The following CLDN23 variants were observed in gnomAD, a reference collection of about 807,000 sequenced individuals.
CLDN23 encodes the protein claudin-23.
A neutral mutation model predicts 1.4 loss-of-function variants in CLDN23; 3 were observed. The ratio of observed to expected loss-of-function variants is 2.10; its 90% CI spans 0.96 to 5.43. The LOEUF (loss-of-function observed/expected upper bound fraction) is 5.43, where lower values mean the gene tolerates loss of function less well. CLDN23 is among the 30% of genes most tolerant of loss of function. The probability of loss-of-function intolerance (pLI) is 0.02; values close to 1 mark genes in which losing one functional copy is unlikely to be tolerated. For missense variants in CLDN23, 597 were observed against 433.5 expected, an observed-to-expected ratio of 1.38 and a Z score of -3.35; for synonymous variants, 291 against 209.9, an observed-to-expected ratio of 1.39 and a Z score of -3.34.
chr8:8,702,710 C>G lies in CLDN23; in HGVS notation c.312C>G (p.Cys104Trp), dbSNP rs756231685. Residue 104 changes from cysteine (C) to tryptophan (W), a missense_variant, in exon 1 of 1, where the codon TGC (cysteine) becomes TGG (tryptophan). Cys to Trp is a radical substitution (Grantham distance 215). Transcript: ENST00000519106. The part of the protein sequence containing the change: ...GLLLASLGVR[C>W]WQDEPNFVLA... ...TGCTGGCGTCGCTGGGCGTGCGCTGCTGGCAGGACGAGCCCAACTTCGTGC... is the reference window on the plus strand; with the variant it reads ...TGCTGGCGTCGCTGGGCGTGCGCTGGTGGCAGGACGAGCCCAACTTCGTGC... 1 of 1,607,538 alleles carries G rather than the reference C, an allele frequency of 6.2e-7. No individual in the cohort carries two copies. The highest frequency in any genetic ancestry group is 8.5e-7 in the Non-Finnish European group (1 of 1,179,344).
rs757985542 is a variant in CLDN23, at chr8:8,702,725, C to G, written c.327C>G (p.Pro109=). The change falls in exon 1 of 1, where the codon CCC becomes CCG. Residue 109 remains proline (P), a synonymous_variant. Transcript: ENST00000519106. ...GCGTGCGCTGCTGGCAGGACGAGCC[C>G]AACTTCGTGCTGGCAGGGCTCTCGG... The part of the protein sequence containing the change: ...SLGVRCWQDE[P]NFVLAGLSGV... The G allele has an allele frequency of 1.9e-6, 3 of 1,608,620 alleles. No homozygotes were observed. The highest frequency in any genetic ancestry group is 2.7e-5 in the African/African-American group (2 of 75,020).
In CLDN23 at chr8:8,703,292, T is replaced by A. The variant is rs1348271746; in HGVS notation, c.*15T>A. On this transcript the variant is annotated 3_prime_UTR_variant, in exon 1 of 1. Coordinates refer to ENST00000519106, the MANE Select transcript of CLDN23 (RefSeq NM_194284.3). ...CCGACCTCTAGACGCTTGTAGAGCCTGGGGGGCGCCGGGTGGCAAAGGACT... is the reference window on the plus strand; with the variant it reads ...CCGACCTCTAGACGCTTGTAGAGCCAGGGGGGCGCCGGGTGGCAAAGGACT... 13 of 1,365,056 alleles carry A rather than the reference T, an allele frequency of 9.5e-6. No homozygotes were observed. Among genetic ancestry groups the A allele is most frequent in the Non-Finnish European group, 1.0e-5 (11 of 1,053,896 alleles). 84.6% of individuals were successfully genotyped at this position (1,365,056 alleles called of 1,614,324 possible). A position where few individuals can be genotyped will look rare whatever the true frequency, so the allele number is the denominator to read the frequency against.
At position 8,702,785 on chromosome 8, in the gene CLDN23, C is replaced by T; in HGVS notation, c.387C>T (p.Leu129=). 6.2e-7 allele frequency: 1 copy of T among 1,610,930 alleles called. No individual in the cohort carries two copies. Among genetic ancestry groups the T allele is most frequent in the East Asian group, 2.2e-5 (1 of 44,838 alleles). The change falls in exon 1 of 1, where the codon CTC becomes CTT. Residue 129 remains leucine, a synonymous_variant. Transcript: ENST00000519106. The stretch of plus-strand genomic sequence containing the variant: ...TCTTCGTCGCTGGCCTCCTCGGCCT[C>T]ATCCCGGTGTCCTGGTACAACCACT... ...VVLFVAGLLG[L]IPVSWYNHFL... is the part of the protein sequence containing the mutation.
rs1385762100 is a variant in CLDN23 at position 8,702,282 on chromosome 8, C to A, written c.-117C>A. 4 of 1,184,918 alleles carry A rather than the reference C, an allele frequency of 3.4e-6. No individual in the cohort carries two copies. Among genetic ancestry groups the A allele is most frequent in the South Asian group, 3.4e-5 (2 of 58,190 alleles). The allele number at this position is 1,184,918 out of a possible 1,614,324, so 73.4% of individuals were successfully genotyped here. A position where few individuals can be genotyped will look rare whatever the true frequency, so the allele number is the denominator to read the frequency against. ...AGCCCGACCCGGAGCCCGGGGCGTC[C>A]GCGCTGACTTCGGGTCCCCGGAGCC... is the stretch of plus-strand genomic sequence containing the variant. On this transcript the variant is annotated 5_prime_UTR_variant, in exon 1 of 1. Transcript: ENST00000519106.
At position 8,703,471 on chromosome 8, in the gene CLDN23, T is replaced by A. The variant is rs1802819069; in HGVS notation, c.*194T>A. On this transcript the variant is annotated 3_prime_UTR_variant, in exon 1 of 1. Transcript: ENST00000519106. The stretch of plus-strand genomic sequence containing the variant: ...GTTTTCTTCTTAAAGAGTTTAGTTT[T>A]CCTCTCCAGAGGGATCAGGGTCCTC... 1.0e-5 allele frequency: 5 copies of A among 483,396 alleles called. No homozygotes were observed. Among genetic ancestry groups the A allele is most frequent in the Non-Finnish European group, 1.7e-5 (5 of 290,564 alleles). 29.9% of individuals were successfully genotyped at this position (483,396 alleles called of 1,614,324 possible).
rs1361046683 is a variant in CLDN23, at chr8:8,703,097, T to G, written c.699T>G (p.Pro233=). The G allele has an allele frequency of 2.0e-6, 3 of 1,533,598 alleles. No individual in the cohort carries two copies. In the Admixed American group the frequency reaches 5.9e-5, roughly 30 times the overall value. 95.0% of individuals were successfully genotyped at this position (1,533,598 alleles called of 1,614,324 possible). The stretch of plus-strand genomic sequence containing the variant: ...GCGACGGCCAGCACCGACCGCCGCC[T>G]GCCCAGCACCGCAAGCCCAAGCCCA... ...YYSDGQHRPP[P]AQHRKPKPKP... The change falls in exon 1 of 1, where the codon CCT becomes CCG. Residue 233 remains proline (P), a synonymous_variant. Coordinates refer to ENST00000519106, the MANE Select transcript of CLDN23 (RefSeq NM_194284.3).
In CLDN23 at chr8:8,702,662, G is replaced by A. The variant is rs1802770372; in HGVS notation, c.264G>A (p.Leu88=). ...LVARALMVTS[L]AATVLGLLLA... ...CGCGGGCACTCATGGTCACCTCGCT[G>A]GCCGCCACGGTCCTGGGGCTTCTGC... is the stretch of plus-strand genomic sequence containing the variant. The change falls in exon 1 of 1, where the codon CTG becomes CTA. Residue 88 remains leucine, a synonymous_variant. Transcript: ENST00000519106. 6.2e-7 allele frequency: 1 copy of A among 1,604,460 alleles called. No homozygotes were observed. The highest frequency in any genetic ancestry group is 1.3e-5 in the African/African-American group (1 of 74,830).
rs1394559331 is a variant in CLDN23 at position 8,703,815 on chromosome 8, G to C, written c.*538G>C. The C allele has an allele frequency of 1.2e-5, 2 of 167,088 alleles. No homozygotes were observed. Among genetic ancestry groups the C allele is most frequent in the Non-Finnish European group, 2.9e-5 (2 of 68,146 alleles). 10.4% of individuals were successfully genotyped at this position (167,088 alleles called of 1,614,324 possible). ...AGCAGCTTAATGGATTTCATGGAATGAAATACCGTGATTAACTCATAGCTA... is the reference window on the plus strand; with the variant it reads ...AGCAGCTTAATGGATTTCATGGAATCAAATACCGTGATTAACTCATAGCTA... On this transcript the variant is annotated 3_prime_UTR_variant, in exon 1 of 1. Transcript: ENST00000519106.
Position 8,702,136 on chromosome 8 carries a change from T to G in CLDN23, c.-263T>G. ...GTTTCGGTCAGACCCGCCCGCGGGC[T>G]GGTTTCGATTAGGGCCAGTAGGAGG... On this transcript the variant is annotated 5_prime_UTR_variant, in exon 1 of 1. Coordinates refer to ENST00000519106, the MANE Select transcript of CLDN23 (RefSeq NM_194284.3). The G allele has an allele frequency of 5.8e-6, 2 of 342,982 alleles. No individual in the cohort carries two copies. Among genetic ancestry groups the G allele is most frequent in the East Asian group, 4.3e-5 (1 of 23,344 alleles). 21.2% of individuals were successfully genotyped at this position (342,982 alleles called of 1,614,324 possible).
At position 8,702,611 on chromosome 8, in the gene CLDN23, C is replaced by A; in HGVS notation, c.213C>A (p.Tyr71Ter). 6.2e-7 allele frequency: 1 copy of A among 1,605,658 alleles called. No individual in the cohort carries two copies. The highest frequency in any genetic ancestry group is 1.1e-5 in the South Asian group (1 of 90,480). ...GCGGCCAGACGGACCAGTGGGGCTA[C>A]TTCGAGGCCCAGCCCGTGCTGGTGG... is the stretch of plus-strand genomic sequence containing the variant. Reference protein sequence around the residue: ...RECGQTDQWGYFEAQPVLVAR... With the variant: ...RECGQTDQWG The change falls in exon 1 of 1, where the codon TAC becomes TAA. Residue 71 changes from tyrosine (Y) to a stop codon, truncating the protein, a stop_gained. Transcript: ENST00000519106. LOFTEE classifies it low-confidence loss of function (END_TRUNC).
rs1802807425 is a variant in CLDN23 at position 8,703,218 on chromosome 8, G to A, written c.820G>A (p.Ala274Thr). The A allele has an allele frequency of 3.4e-6, 5 of 1,462,984 alleles. No individual in the cohort carries two copies. The highest frequency in any genetic ancestry group is 1.5e-5 in the African/African-American group (1 of 68,708). The allele number at this position is 1,462,984 out of a possible 1,614,324, so 90.6% of individuals were successfully genotyped here. A position where few individuals can be genotyped will look rare whatever the true frequency, so the allele number is the denominator to read the frequency against. ...CGGGGAGGGGTGGGAGTCCCAGGACGCTCCCTCGTGCAGCACCCACCCCTG... is the reference window on the plus strand; with the variant it reads ...CGGGGAGGGGTGGGAGTCCCAGGACACTCCCTCGTGCAGCACCCACCCCTG... ...LDGEGWESQDAPSCSTHPCDS... is the reference protein window; with the variant it reads ...LDGEGWESQDTPSCSTHPCDS... The change falls in exon 1 of 1, where the codon GCT (alanine) becomes ACT (threonine). Residue 274 changes from alanine (A) to threonine (T), a missense_variant. By Grantham distance (58) the Ala-to-Thr change is moderately conservative. Coordinates refer to ENST00000519106, the MANE Select transcript of CLDN23 (RefSeq NM_194284.3).
Position 8,702,244 on chromosome 8 carries a change from A to T in CLDN23, c.-155A>T. The T allele has an allele frequency of 8.2e-6, 6 of 730,390 alleles. No individual in the cohort carries two copies. Among genetic ancestry groups the T allele is most frequent in the Non-Finnish European group, 1.1e-5 (5 of 471,600 alleles). 45.2% of individuals were successfully genotyped at this position (730,390 alleles called of 1,614,324 possible). A position where few individuals can be genotyped will look rare whatever the true frequency, so the allele number is the denominator to read the frequency against. ...GGAGACAAAGAGCGTCCCTGGAGCGATCAGGGCTCAGGAGCCCGACCCGGA... is the reference window on the plus strand; with the variant it reads ...GGAGACAAAGAGCGTCCCTGGAGCGTTCAGGGCTCAGGAGCCCGACCCGGA... On this transcript the variant is annotated 5_prime_UTR_variant, in exon 1 of 1. Coordinates refer to ENST00000519106, the MANE Select transcript of CLDN23 (RefSeq NM_194284.3).
chr8:8,702,650 G>A lies in CLDN23; in HGVS notation c.252G>A (p.Met84Ile). 6.2e-7 allele frequency: 1 copy of A among 1,604,686 alleles called. No individual in the cohort carries two copies. The highest frequency in any genetic ancestry group is 8.5e-7 in the Non-Finnish European group (1 of 1,177,430). ...CCGTGCTGGTGGCGCGGGCACTCAT[G>A]GTCACCTCGCTGGCCGCCACGGTCC... ...AQPVLVARALMVTSLAATVLG... is the reference protein window; with the variant it reads ...AQPVLVARALIVTSLAATVLG... The change falls in exon 1 of 1, where the codon ATG becomes ATA. Residue 84 changes from methionine (M) to isoleucine (I), a missense_variant. Met to Ile is a conservative substitution (Grantham distance 10). Coordinates refer to ENST00000519106, the MANE Select transcript of CLDN23 (RefSeq NM_194284.3).
Position 8,702,477 on chromosome 8 carries a change from G to T in CLDN23, c.79G>T (p.Ala27Ser), listed in dbSNP as rs776423635. The change falls in exon 1 of 1, where the codon GCG becomes TCG. Residue 27 changes from alanine (A) to serine (S), a missense_variant. Physicochemically the swap from Ala to Ser is moderately conservative, Grantham distance 99. Coordinates refer to ENST00000519106, the MANE Select transcript of CLDN23 (RefSeq NM_194284.3). ...CCTGCTCAACCTGACCGGCACCCTG[G>T]CGCCCGGCTGGCGGCTGGTGAAGGG... The part of the protein sequence containing the change: ...GLLLNLTGTL[A>S]PGWRLVKGFL... The T allele has an allele frequency of 3.7e-6, 6 of 1,608,200 alleles. No individual in the cohort carries two copies. The highest frequency in any genetic ancestry group is 3.3e-5 in the Admixed American group (2 of 59,724).
At position 8,702,666 on chromosome 8, in the gene CLDN23, G is replaced by A. The variant is rs201513699; in HGVS notation, c.268G>A (p.Ala90Thr). 7,922 of 1,604,364 alleles carry A rather than the reference G, an allele frequency of 4.9e-3. 38 individuals are homozygous for A. Among genetic ancestry groups the A allele is most frequent in the Middle Eastern group, 0.013 (79 of 5,952 alleles). Reference sequence around the variant, plus strand: ...GGCACTCATGGTCACCTCGCTGGCCGCCACGGTCCTGGGGCTTCTGCTGGC... The same window carrying A: ...GGCACTCATGGTCACCTCGCTGGCCACCACGGTCCTGGGGCTTCTGCTGGC... ...ARALMVTSLA[A>T]TVLGLLLASL... The change falls in exon 1 of 1, where the codon GCC (alanine) becomes ACC (threonine). Residue 90 changes from alanine (A) to threonine (T), a missense_variant. Ala to Thr is a moderately conservative substitution (Grantham distance 58). Coordinates refer to ENST00000519106, the MANE Select transcript of CLDN23 (RefSeq NM_194284.3).
In CLDN23 at chr8:8,703,794, G is replaced by C. The variant is rs1563135957; in HGVS notation, c.*517G>C. ...ACTTAGAGCCATGCAAATGCCAGCA[G>C]CTTAATGGATTTCATGGAATGAAAT... On this transcript the variant is annotated 3_prime_UTR_variant, in exon 1 of 1. Coordinates refer to ENST00000519106, the MANE Select transcript of CLDN23 (RefSeq NM_194284.3). 6.0e-6 allele frequency: 1 copy of C among 167,118 alleles called. No homozygotes were observed. The highest frequency in any genetic ancestry group is 1.5e-5 in the Non-Finnish European group (1 of 68,208). The allele number at this position is 167,118 out of a possible 1,614,324, so 10.4% of individuals were successfully genotyped here.
In CLDN23 at chr8:8,703,045, A is replaced by G; in HGVS notation, c.647A>G (p.Asp216Gly). 6.6e-7 allele frequency: 1 copy of G among 1,526,634 alleles called. No homozygotes were observed. Among genetic ancestry groups the G allele is most frequent in the Non-Finnish European group, 8.8e-7 (1 of 1,142,118 alleles). 94.6% of individuals were successfully genotyped at this position (1,526,634 alleles called of 1,614,324 possible). Residue 216 changes from aspartate to glycine, a missense_variant, in exon 1 of 1, where the codon GAC (aspartate) becomes GGC (glycine). Asp to Gly is a moderately conservative substitution (Grantham distance 94). Transcript: ENST00000519106. ...STIQVEWPEPDLAPAIKYYSD... is the reference protein window; with the variant it reads ...STIQVEWPEPGLAPAIKYYSD... ...ATCCAAGTGGAGTGGCCCGAGCCCG[A>G]CCTGGCGCCCGCCATCAAGTACTAC...
At position 8,703,175 on chromosome 8, in the gene CLDN23, C is replaced by T; in HGVS notation, c.777C>T (p.Asn259=). The T allele has an allele frequency of 6.6e-7, 1 of 1,517,024 alleles. No individual in the cohort carries two copies. Among genetic ancestry groups the T allele is most frequent in the East Asian group, 2.6e-5 (1 of 39,156 alleles). 94.0% of individuals were successfully genotyped at this position (1,517,024 alleles called of 1,614,324 possible). Residue 259 remains asparagine (N), a synonymous_variant, in exon 1 of 1, where the codon AAC becomes AAT. Transcript: ENST00000519106. ...MPRPRPKAYT[N]SVDVLDGEGW... is the part of the protein sequence containing the mutation. ...GGCCGCGGCCCAAGGCCTACACCAACTCGGTGGACGTCCTCGACGGGGAGG... is the reference window on the plus strand; with the variant it reads ...GGCCGCGGCCCAAGGCCTACACCAATTCGGTGGACGTCCTCGACGGGGAGG...
At position 8,702,345 on chromosome 8, in the gene CLDN23, G is replaced by A. The variant is rs1802746943; in HGVS notation, c.-54G>A. 7 of 1,464,342 alleles carry A rather than the reference G, an allele frequency of 4.8e-6. No homozygotes were observed. Among genetic ancestry groups the A allele is most frequent in the Admixed American group, 2.5e-5 (1 of 40,240 alleles). 90.7% of individuals were successfully genotyped at this position (1,464,342 alleles called of 1,614,324 possible). On this transcript the variant is annotated 5_prime_UTR_variant, in exon 1 of 1. Coordinates refer to ENST00000519106, the MANE Select transcript of CLDN23 (RefSeq NM_194284.3). ...GGGAGAAGACGACGGCGGAGAAGGC[G>A]ACAGCGGAGAAGGAAGGCAGGCTGC...
Sources: gnomAD v4.1 joint callset for allele counts on GRCh38, gnomAD v4.1.1 for gene constraint, MANE v1.5 for transcripts, NCBI Gene and HGNC (gene_info 2026-07-23, HGNC 2026-07-21) for gene names.